Variants in PCDH15 observed in about 807,000 individuals in gnomAD.
PCDH15 encodes protocadherin related 15.
In PCDH15, 129 loss-of-function variants were observed where a neutral mutation model predicts 178.5. That is an observed-to-expected ratio of 0.72 (90% CI 0.63 to 0.84). PCDH15 has a LOEUF of 0.84. Among genes scored for constraint, PCDH15 ranks in the 40% least tolerant of loss-of-function variants. The pLI is 0.00. For synonymous variants in PCDH15, 800 were observed against 732.0 expected, an observed-to-expected ratio of 1.09 and a Z score of -1.50; for missense variants, 2,230 against 2,099.9, an observed-to-expected ratio of 1.06 and a Z score of -1.21.
chr10:54,492,764 T>C (rs76191401), intron 3 of PCDH15, among the ~76,000 whole-genome samples: 6,006 of 152,196 alleles, frequency 0.039, 168 homozygotes, highest in East Asian at 0.097. Flanking sequence ...TTCAATCTTA[T>C]TATTAGGGTT....
intron 15 of PCDH15, among the ~76,000 whole-genome samples, chr10:54,096,118 A>C (rs528099795): frequency 6.6e-6 from 1 of 152,242 alleles, no homozygotes; most frequent in African/African-American, 2.4e-5. Context: ...TACAAACTAT[A>C]GAATCATAAT....
At chr10:55,098,546 C>T (rs973752502) in intron 2 of PCDH15, among the ~76,000 whole-genome samples, 4 of 152,076 alleles carry the variant, frequency 2.6e-5, no homozygotes, top group South Asian at 2.1e-4. Context: ...TCAGACTAGA[C>T]ATGTTCAAAA....
chr10:54,572,707 T>A (rs778067169), intron 2 of PCDH15, among the ~76,000 whole-genome samples: 2 of 152,124 alleles, frequency 1.3e-5, no homozygotes, highest in African/African-American at 4.8e-5. Flanking sequence ...TTACAATGAG[T>A]TCTAGTTCTT....
intron 2 of PCDH15, among the ~76,000 whole-genome samples, chr10:55,488,039 AT>A (rs1171668399): frequency 6.6e-6 from 1 of 151,588 alleles, no homozygotes; most frequent in East Asian, 1.9e-4. Flanking sequence ...CTAATGTGCA[AT>A]TTATTTTATG....
chr10:55,007,695 G>A (rs532045625), intron 2 of PCDH15, among the ~76,000 whole-genome samples: 1 of 152,100 alleles, frequency 6.6e-6, no homozygotes, highest in East Asian at 1.9e-4. Flanking sequence ...TGTCCTACAG[G>A]TCATATTTTA....
At chr10:54,374,652 T>G (rs193017147) in intron 4 of PCDH15, among the ~76,000 whole-genome samples, 1 of 152,134 alleles carries the variant, frequency 6.6e-6, no homozygotes, top group East Asian at 1.9e-4. Flanking sequence ...AACTCTTCCT[T>G]TCTTTTTTTA....
chr10:55,368,888 CATTA>C (rs1296053731), intron 2 of PCDH15, among the ~76,000 whole-genome samples: 1 of 151,280 alleles, frequency 6.6e-6, no homozygotes, highest in Non-Finnish European at 1.5e-5. Flanking sequence ...GTGTTGAGAT[CATTA>C]ATTGAGAAAG....
intron 15 of PCDH15, among the ~76,000 whole-genome samples, 154 bp downstream of exon 15, chr10:54,132,721 C>T (rs1264000934): frequency 1.3e-5 from 2 of 152,202 alleles, no homozygotes; most frequent in Non-Finnish European, 2.9e-5. Flanking sequence ...CCATATTACC[C>T]TTGCTTTCCT....
chr10:54,183,311 T>G (rs756717964), intron 13 of PCDH15, 133 bp downstream of exon 13: 294 of 921,398 alleles, frequency 3.2e-4, no homozygotes, highest in Non-Finnish European at 4.7e-4. Flanking sequence ...TTTAAAGCTA[T>G]TTAAACTAAT....
chr10:55,481,579 ATT>A (rs1840182414), intron 2 of PCDH15, among the ~76,000 whole-genome samples: 1 of 151,734 alleles, frequency 6.6e-6, no homozygotes, highest in Non-Finnish European at 1.5e-5. Flanking sequence ...TTCTGCCTGC[ATT>A]TCATTATTTA....
Position 53,860,084 on chromosome 10 carries a change from A to G in PCDH15, c.3718-2821T>C, listed in dbSNP as rs73238474. Among the ~76,000 whole-genome samples, 441 of 152,286 alleles carry G rather than the reference A, an allele frequency of 2.9e-3. 4 individuals carry two copies. The highest frequency in any genetic ancestry group is 0.01 in the African/African-American group (421 of 41,566). The stretch of plus-strand genomic sequence containing the variant: ...TTTTTCCATCATCTATACTGGGTGA[A>G]TGTGTTTGCTGGATCACTAAAACAT... On this transcript the variant is annotated intron_variant, in intron 27 of 37. Transcript: ENST00000644397.
intron 2 of PCDH15, among the ~76,000 whole-genome samples, chr10:55,395,156 T>C (rs1484349377): frequency 6.6e-6 from 1 of 151,014 alleles, no homozygotes; most frequent in African/African-American, 2.4e-5. Flanking sequence ...TACAGACATT[T>C]CTATTTAACT....
At chr10:54,289,555 T>C (rs1013182294) in intron 8 of PCDH15, among the ~76,000 whole-genome samples, 8 of 152,068 alleles carry the variant, frequency 5.3e-5, no homozygotes, top group Admixed American at 1.3e-4. Flanking sequence ...CTTTGATGAG[T>C]TGACAGAAGT....
intron 2 of PCDH15, among the ~76,000 whole-genome samples, chr10:54,575,481 A>G (rs1211928532): frequency 1.3e-5 from 2 of 152,310 alleles, no homozygotes; most frequent in South Asian, 2.1e-4. Context: ...ATGAGATTAC[A>G]AAGAAATTGT....
intron 3 of PCDH15, among the ~76,000 whole-genome samples, chr10:54,823,605 C>T (rs1270222706): frequency 6.6e-6 from 1 of 151,982 alleles, no homozygotes; most frequent in African/African-American, 2.4e-5. Context: ...ATCTAATTTC[C>T]TCTGATCCTA....
chr10:55,200,091 C>T (rs1458558253), intron 1 of PCDH15, among the ~76,000 whole-genome samples: 5 of 152,184 alleles, frequency 3.3e-5, no homozygotes, highest in African/African-American at 1.2e-4. Context: ...AGAGGGCTAC[C>T]ATCCTCTAGA....
intron 1 of PCDH15, among the ~76,000 whole-genome samples, chr10:55,206,375 T>C (rs1412756923): frequency 6.6e-6 from 1 of 152,148 alleles, no homozygotes; most frequent in Non-Finnish European, 1.5e-5. Context: ...TTTCCAAGTC[T>C]CTTTCCCATA....
chr10:54,755,946 C>T (rs1227273889), intron 1 of PCDH15, among the ~76,000 whole-genome samples: 1 of 151,944 alleles, frequency 6.6e-6, no homozygotes, highest in Non-Finnish European at 1.5e-5. Context: ...TGAGACAAGG[C>T]GCGGTAGCTC....
intron 2 of PCDH15, among the ~76,000 whole-genome samples, chr10:55,505,691 A>T (rs1195557534): frequency 6.6e-6 from 1 of 151,500 alleles, no homozygotes; most frequent in African/African-American, 2.4e-5. Flanking sequence ...GCAATGTTGT[A>T]AGAGATGCTA....
Sources: gnomAD v4.1 joint callset for allele counts (sites outside exome capture counted in the v4.1 genomes callset) on GRCh38, gnomAD v4.1.1 for gene constraint, MANE v1.5 for transcripts, NCBI Gene and HGNC (gene_info 2026-07-23, HGNC 2026-07-21) for gene names.